The following CNTNAP2 variants were observed in gnomAD, a reference collection of about 807,000 sequenced individuals.
CNTNAP2 encodes contactin-associated protein-like 2.
CNTNAP2 carries 98 observed loss-of-function variants against 155.2 expected under a neutral mutation model. The observed-to-expected ratio is 0.63, with a 90% CI of 0.54 to 0.75. CNTNAP2 has a LOEUF of 0.75. Ranked by LOEUF, CNTNAP2 falls within the 30% of genes least tolerant of loss-of-function variation. The probability of loss-of-function intolerance (pLI) is 0.00; values close to 1 mark genes in which losing one functional copy is unlikely to be tolerated. For missense variants in CNTNAP2, 1,727 were observed against 1,688.1 expected, an observed-to-expected ratio of 1.02 and a Z score of -0.40; for synonymous variants, 651 against 631.2, an observed-to-expected ratio of 1.03 and a Z score of -0.47.
At chr7:146,983,512 C>A (rs1798058434) in intron 3 of CNTNAP2, among the ~76,000 whole-genome samples, 1 of 152,114 alleles carries the variant, frequency 6.6e-6, no homozygotes. Context: ...AGGATGCCTC[C>A]CTTGCCCCAT....
Position 146,226,360 on chromosome 7 carries a change from A to T in CNTNAP2, c.97+109387A>T, listed in dbSNP as rs182316722. ...CACTTCATTACATCTGCAAAATTTT[A>T]AAAAAAATTATCCTAGGGCTAGGCA... On this transcript the variant is annotated intron_variant, in intron 1 of 23. Transcript: ENST00000361727. 5.9e-3 allele frequency among the ~76,000 whole-genome samples: 905 copies of T among 152,120 alleles called. 5 individuals are homozygous for T. Among genetic ancestry groups the T allele is most frequent in the African/African-American group, 9.0e-3 (373 of 41,508 alleles).
intron 9 of CNTNAP2, among the ~76,000 whole-genome samples, chr7:147,347,476 GCATATATATATATATGCATATATA>G (rs1421032195): frequency 1.9e-4 from 8 of 41,466 alleles, no homozygotes; most frequent in African/African-American, 2.7e-4. Context: ...ATATATATAT[GCATATATATATATATGCATATATA>G]TGTGTGTGTG....
At chr7:147,988,224 A>G (rs1455320555) in intron 15 of CNTNAP2, among the ~76,000 whole-genome samples, 4 of 152,226 alleles carry the variant, frequency 2.6e-5, no homozygotes, top group Non-Finnish European at 5.9e-5. Context: ...TGTGGATACC[A>G]AAGTTCTTTT....
At chr7:148,166,640 A>G (rs28661245) in intron 17 of CNTNAP2, among the ~76,000 whole-genome samples, 1,875 of 152,314 alleles carry the variant, frequency 0.012, 42 homozygotes, top group African/African-American at 0.043. Context: ...TTTAATTGCA[A>G]TACTTGCAAA....
intron 1 of CNTNAP2, among the ~76,000 whole-genome samples, chr7:146,526,662 T>C (rs801949): frequency 0.035 from 5,400 of 152,236 alleles, 308 homozygotes; most frequent in African/African-American, 0.12. Flanking sequence ...AGTGGGGATG[T>C]ACATTCAAAC....
chr7:147,736,936 A>G (rs549746262), intron 13 of CNTNAP2, among the ~76,000 whole-genome samples: 1 of 152,246 alleles, frequency 6.6e-6, no homozygotes, highest in East Asian at 1.9e-4. Context: ...ATCTTTGTTC[A>G]AGATTTTTAA....
intron 13 of CNTNAP2, among the ~76,000 whole-genome samples, chr7:147,806,633 G>A (rs984814861): frequency 1.9e-4 from 29 of 152,182 alleles, no homozygotes; most frequent in African/African-American, 9.7e-5. Context: ...TAAAGAAAAT[G>A]TGGTACATAT....
intron 1 of CNTNAP2, among the ~76,000 whole-genome samples, chr7:146,457,109 C>G (rs1584934128): frequency 6.6e-6 from 1 of 151,954 alleles, no homozygotes; most frequent in Non-Finnish European, 1.5e-5. Flanking sequence ...TGGAATCAAG[C>G]CTGAGAGGAT....
chr7:146,842,830 C>T (rs56691487), intron 3 of CNTNAP2, among the ~76,000 whole-genome samples: 18,060 of 150,826 alleles, frequency 0.12, 1,127 homozygotes, highest in African/African-American at 0.15. Flanking sequence ...GGACCACAGG[C>T]GCCCGCCACC....
intron 1 of CNTNAP2, among the ~76,000 whole-genome samples, chr7:146,170,315 C>T (rs1005175402): frequency 3.9e-5 from 6 of 152,106 alleles, no homozygotes; most frequent in African/African-American, 1.2e-4. Flanking sequence ...CATTAGTGAC[C>T]GTGCCAGGCA....
chr7:147,823,411 C>T (rs76688271), intron 13 of CNTNAP2, among the ~76,000 whole-genome samples: 18,204 of 152,160 alleles, frequency 0.12, 1,273 homozygotes, highest in South Asian at 0.25. Context: ...GTTTACTCCT[C>T]TAGCATAAGG....
intron 1 of CNTNAP2, among the ~76,000 whole-genome samples, chr7:146,675,679 A>C (rs916097814): frequency 6.6e-6 from 1 of 152,178 alleles, no homozygotes; most frequent in Non-Finnish European, 1.5e-5. Context: ...ATAGGAGCTT[A>C]ATAAATGTTA....
chr7:147,760,339 TC>T (rs1186673001), intron 13 of CNTNAP2, among the ~76,000 whole-genome samples: 9 of 152,188 alleles, frequency 5.9e-5, no homozygotes, highest in Non-Finnish European at 1.3e-4. Flanking sequence ...ATGTGATTTT[TC>T]CCTTTAAACG....
intron 1 of CNTNAP2, among the ~76,000 whole-genome samples, chr7:146,458,460 A>G (rs1019842928): frequency 1.3e-5 from 2 of 152,180 alleles, no homozygotes; most frequent in African/African-American, 2.4e-5. Context: ...AGTCACCCTC[A>G]CATGCATCTC....
At chr7:147,653,607 A>C (rs1160222423) in intron 13 of CNTNAP2, among the ~76,000 whole-genome samples, 1 of 152,178 alleles carries the variant, frequency 6.6e-6, no homozygotes, top group Non-Finnish European at 1.5e-5. Flanking sequence ...AAGAGGCACT[A>C]GGGGAGGAAC....
intron 14 of CNTNAP2, among the ~76,000 whole-genome samples, chr7:147,954,801 TAGTTAGAGTG>T (rs1239978339): frequency 6.6e-6 from 1 of 152,230 alleles, no homozygotes; most frequent in Admixed American, 6.5e-5. Flanking sequence ...ATCGAGAGTC[TAGTTAGAGTG>T]AGTTAACAAA....
chr7:146,395,565 T>C (rs1397020637), intron 1 of CNTNAP2, among the ~76,000 whole-genome samples: 2 of 152,140 alleles, frequency 1.3e-5, no homozygotes, highest in Non-Finnish European at 2.9e-5. Context: ...TTTAAAACTA[T>C]TGCTATGGGA....
chr7:146,603,352 C>T (rs898980666), intron 1 of CNTNAP2, among the ~76,000 whole-genome samples: 2 of 150,342 alleles, frequency 1.3e-5, no homozygotes, highest in African/African-American at 4.9e-5. Flanking sequence ...GCGGAACTTG[C>T]AGTGAGCCGA....
intron 14 of CNTNAP2, among the ~76,000 whole-genome samples, chr7:147,977,202 G>A (rs920294132): frequency 3.3e-5 from 5 of 152,084 alleles, no homozygotes; most frequent in African/African-American, 1.2e-4. Flanking sequence ...ATGGATACAG[G>A]GTAGACTTGG....
Sources: gnomAD v4.1 joint callset for allele counts (sites outside exome capture counted in the v4.1 genomes callset) on GRCh38, gnomAD v4.1.1 for gene constraint, MANE v1.5 for transcripts, NCBI Gene and HGNC (gene_info 2026-07-23, HGNC 2026-07-21) for gene names.